PCOLCE2: variants seen among roughly 807,000 people sequenced by gnomAD.
PCOLCE2 encodes procollagen C-endopeptidase enhancer 2, also known as procollagen C-proteinase enhancer 2.
In PCOLCE2, 42 loss-of-function variants were observed where a neutral mutation model predicts 47.0. The ratio of observed to expected loss-of-function variants is 0.89; its 90% CI spans 0.70 to 1.16. The LOEUF is 1.16. Ranked by LOEUF, PCOLCE2 falls within the 50% of genes most tolerant of loss-of-function variation. PCOLCE2 has a pLI of 0.00. For synonymous variants in PCOLCE2, 169 were observed against 191.7 expected, an observed-to-expected ratio of 0.88 and a Z score of 0.98; for missense variants, 500 against 526.1, an observed-to-expected ratio of 0.95 and a Z score of 0.49.
chr3:142,823,648 A>T, intron 6 of PCOLCE2, 33 bp from the exon 7 acceptor site: 2 of 1,265,146 alleles, frequency 1.6e-6, no homozygotes, highest in Non-Finnish European at 2.3e-6. Flanking sequence ...TTTCACGAAA[A>T]ATGAATTCAA....
At chr3:142,838,971 TTC>T in intron 4 of PCOLCE2, 65 bp from the exon 5 acceptor site, 2 of 1,288,202 alleles carry the variant, frequency 1.6e-6, no homozygotes, top group South Asian at 2.8e-5. Context: ...TCAAATGGAA[TTC>T]TTCCTCTCCC....
chr3:142,872,158 C>T (rs1441261005), intron 2 of PCOLCE2, among the ~76,000 whole-genome samples: 1 of 152,198 alleles, frequency 6.6e-6, no homozygotes, highest in African/African-American at 2.4e-5. Flanking sequence ...TGACTCCTGG[C>T]TTCTAGTACC....
chr3:142,838,803 C>T lies in PCOLCE2; in HGVS notation c.677G>A (p.Arg226Lys), dbSNP rs1279678838. The stretch of plus-strand genomic sequence containing the variant: ...ACTATCACCACAATACTTTCCAATT[C>T]TTCTAGCATCGTTGACTTCCCCGCC... ...FNGGEVNDAR[R>K]IGKYCGDSPP... The change falls in exon 5 of 9, where the codon AGA (arginine) becomes AAA (lysine). Residue 226 changes from arginine to lysine, a missense_variant. Arg to Lys is a conservative substitution (Grantham distance 26, BLOSUM62 2). Coordinates refer to ENST00000295992, the MANE Select transcript of PCOLCE2 (RefSeq NM_013363.4). 1.9e-6 allele frequency: 3 copies of T among 1,613,908 alleles called. No homozygotes were observed. Among genetic ancestry groups the T allele is most frequent in the Admixed American group, 1.7e-5 (1 of 60,014 alleles).
intron 2 of PCOLCE2, 132 bp downstream of exon 2, chr3:142,887,537 G>T: frequency 1.6e-6 from 1 of 620,752 alleles, no homozygotes; most frequent in East Asian, 2.7e-5. Context: ...CAATAGTTGG[G>T]GTAAATCCAA....
In PCOLCE2 at chr3:142,829,754, C is replaced by T. The variant is rs750657966; in HGVS notation, c.803G>A (p.Arg268Lys). ...TGTAGTTGTAGGCAGTTTTTTTGGC[C>T]TGAATATGTAGTGACCAATAAACCC... ...ADGFIGHYIF[R>K]PKKLPTTTEQ... The change falls in exon 6 of 9, where the codon AGG (arginine) becomes AAG (lysine). Residue 268 changes from arginine (R) to lysine (K), a missense_variant. Coordinates refer to ENST00000295992, the MANE Select transcript of PCOLCE2 (RefSeq NM_013363.4). 1 of 1,608,986 alleles carries T rather than the reference C, an allele frequency of 6.2e-7. No individual in the cohort carries two copies. Among genetic ancestry groups the T allele is most frequent in the Admixed American group, 1.7e-5 (1 of 59,808 alleles).
Position 142,823,634 on chromosome 3 carries a change from TAA to T in PCOLCE2, c.866-21_866-20del. 4.1e-6 allele frequency: 6 copies of T among 1,448,922 alleles called. No individual in the cohort carries two copies. Among genetic ancestry groups the T allele is most frequent in the Non-Finnish European group, 5.8e-6 (6 of 1,037,458 alleles). 89.8% of individuals were successfully genotyped at this position (1,448,922 alleles called of 1,614,324 possible). On this transcript the variant is annotated intron_variant, in intron 6 of 8. Coordinates refer to ENST00000295992, the MANE Select transcript of PCOLCE2 (RefSeq NM_013363.4). ...TTTAAACCTTAATTCAAAGAAGACA[TAA>T]GTTTCACGAAAAATGAATTCAAGCA... is the stretch of plus-strand genomic sequence containing the variant.
At chr3:142,828,573 A>T (rs1937111283) in intron 6 of PCOLCE2, among the ~76,000 whole-genome samples, 1 of 152,164 alleles carries the variant, frequency 6.6e-6, no homozygotes, top group Non-Finnish European at 1.5e-5. Context: ...GAGTGCGGCT[A>T]CCGATGCTGT....
chr3:142,888,712 C>A, intron 1 of PCOLCE2, 102 bp downstream of exon 1: 1 of 678,134 alleles, frequency 1.5e-6, no homozygotes, highest in African/African-American at 1.9e-5. Flanking sequence ...AGCGCTGGGT[C>A]ACCCAGGCGC....
chr3:142,818,129 T>C lies in PCOLCE2; in HGVS notation c.*206A>G. 3 of 460,670 alleles carry C rather than the reference T, an allele frequency of 6.5e-6. No homozygotes were observed. Among genetic ancestry groups the C allele is most frequent in the Non-Finnish European group, 1.2e-5 (3 of 258,382 alleles). 28.5% of individuals were successfully genotyped at this position (460,670 alleles called of 1,614,324 possible). On this transcript the variant is annotated 3_prime_UTR_variant, in exon 9 of 9. Coordinates refer to ENST00000295992, the MANE Select transcript of PCOLCE2 (RefSeq NM_013363.4). The stretch of plus-strand genomic sequence containing the variant: ...CTAAGTCGGCAGGTTTCCAATCAGA[T>C]AGCTGCTCCTCTGACAGCAGGCAAA...
At chr3:142,866,396 T>C (rs952501131) in intron 2 of PCOLCE2, among the ~76,000 whole-genome samples, 1 of 152,198 alleles carries the variant, frequency 6.6e-6, no homozygotes, top group Admixed American at 6.5e-5. Flanking sequence ...GAACTTGGAC[T>C]GATTTACACC....
intron 7 of PCOLCE2, among the ~76,000 whole-genome samples, chr3:142,822,903 A>G (rs1014257078): frequency 1.4e-4 from 21 of 152,242 alleles, no homozygotes; most frequent in Admixed American, 1.4e-3. Flanking sequence ...ATGTTCCTTT[A>G]AAGCCACTGA....
intron 8 of PCOLCE2, among the ~76,000 whole-genome samples, chr3:142,820,647 C>T (rs13060227): frequency 0.032 from 4,877 of 152,260 alleles, 88 homozygotes; most frequent in East Asian, 0.055. Context: ...TGTCTGTTGC[C>T]TATTGACTCA....
At position 142,821,118 on chromosome 3, in the gene PCOLCE2, A is replaced by G. The variant is rs41265485; in HGVS notation, c.950-73T>C. ...AAGCAGAACTGAAAAACAAGTTTAC[A>G]TTCTTCTAAGTTTCAGATACGAAAC... On this transcript the variant is annotated intron_variant, in intron 7 of 8. Coordinates refer to ENST00000295992, the MANE Select transcript of PCOLCE2 (RefSeq NM_013363.4). 8,184 of 1,189,302 alleles carry G rather than the reference A, an allele frequency of 6.9e-3. 41 individuals are homozygous for G. Among genetic ancestry groups the G allele is most frequent in the Non-Finnish European group, 7.6e-3 (6,239 of 817,398 alleles). 73.7% of individuals were successfully genotyped at this position (1,189,302 alleles called of 1,614,324 possible).
Position 142,842,543 on chromosome 3 carries a change from G to C in PCOLCE2, c.573+381C>G, listed in dbSNP as rs182468677. Among the ~76,000 whole-genome samples the C allele has an allele frequency of 6.6e-5, 10 of 152,152 alleles. No homozygotes were observed. Among genetic ancestry groups the C allele is most frequent in the Admixed American group, 5.2e-4 (8 of 15,284 alleles). ...TCCTGAGGCCGGGAGTTTGAGACCA[G>C]CCTGACCAACATGGAGAAACTCTGT... On this transcript the variant is annotated intron_variant, in intron 4 of 8. Transcript: ENST00000295992. This position sits in a 1 kb window ranked among gnomAD's most constrained non-coding sequence, Gnocchi z 4.1.
intron 2 of PCOLCE2, among the ~76,000 whole-genome samples, chr3:142,849,027 C>T (rs1323022902): frequency 6.6e-6 from 1 of 151,972 alleles, no homozygotes. Flanking sequence ...GTGGGGGGCG[C>T]CTGTAGTCCC....
At chr3:142,867,324 A>C (rs1933305636) in intron 2 of PCOLCE2, among the ~76,000 whole-genome samples, 1 of 152,236 alleles carries the variant, frequency 6.6e-6, no homozygotes. Context: ...CAGACAAGAC[A>C]GCCATATCAG....
chr3:142,844,128 T>C (rs1354683233), intron 3 of PCOLCE2, among the ~76,000 whole-genome samples: 1 of 152,194 alleles, frequency 6.6e-6, no homozygotes, highest in East Asian at 1.9e-4. Flanking sequence ...TGCACAAATC[T>C]TAGCTGTACA....
Position 142,823,613 on chromosome 3 carries a change from A to G in PCOLCE2, c.868T>C (p.Leu290=), listed in dbSNP as rs1017445831. Residue 290 remains leucine (L), a splice_region_variant and synonymous_variant, in exon 7 of 9, where the codon TTA becomes CTA. Coordinates refer to ENST00000295992, the MANE Select transcript of PCOLCE2 (RefSeq NM_013363.4). ...TGACACAAGGCCACGGTGGGTTTTA[A>G]ACCTTAATTCAAAGAAGACATAAGT... The part of the protein sequence containing the change: ...VTTTFPVTTG[L]KPTVALCQQK... 1 of 1,588,074 alleles carries G rather than the reference A, an allele frequency of 6.3e-7. No homozygotes were observed. Among genetic ancestry groups the G allele is most frequent in the Non-Finnish European group, 8.6e-7 (1 of 1,157,674 alleles).
In PCOLCE2 at chr3:142,842,679, C is replaced by T. The variant is rs1052660669; in HGVS notation, c.573+245G>A. The stretch of plus-strand genomic sequence containing the variant: ...GCTTGAACCCAGGAGGTGGAGGTTG[C>T]GGTGAGCTGAGATCGCACCATTGCA... On this transcript the variant is annotated intron_variant, in intron 4 of 8. Transcript: ENST00000295992. The surrounding 1 kb of genome is among the most constrained non-coding windows in gnomAD (Gnocchi z 4.1). Among the ~76,000 whole-genome samples the T allele has an allele frequency of 1.3e-5, 2 of 151,036 alleles. No individual in the cohort carries two copies. Among genetic ancestry groups the T allele is most frequent in the African/African-American group, 2.4e-5 (1 of 40,928 alleles).
Sources: allele counts gnomAD v4.1 joint callset (sites outside exome capture counted in the v4.1 genomes callset), GRCh38; gene constraint gnomAD v4.1.1; non-coding constraint Gnocchi (gnomAD v3.1); transcripts MANE v1.5; gene names NCBI Gene and HGNC (gene_info 2026-07-23, HGNC 2026-07-21).